The following RSF1 variants were observed in gnomAD, a reference collection of about 807,000 sequenced individuals.
The protein encoded by RSF1 is HBV pX-associated protein 8.
Under a neutral mutation model 145.2 loss-of-function variants are expected in RSF1, and 13 were observed. That is an observed-to-expected ratio of 0.09 (90% CI 0.06 to 0.14). RSF1 has a LOEUF of 0.14. Ranked by LOEUF, RSF1 falls within the 10% of genes least tolerant of loss-of-function variation. The pLI, the probability that RSF1 is intolerant of heterozygous loss-of-function variation, is 1.00. For missense variants in RSF1, 1,517 were observed against 1,718.2 expected, an observed-to-expected ratio of 0.88 and a Z score of 2.07; for synonymous variants, 577 against 592.6, an observed-to-expected ratio of 0.97 and a Z score of 0.38.
chr11:77,820,472 G>C, intron 1 of RSF1, 56 bp downstream of exon 1: 1 of 1,509,856 alleles, frequency 6.6e-7, no homozygotes, highest in Non-Finnish European at 8.9e-7. Flanking sequence ...GTGAAGAGCG[G>C]AGAGTAGCAG....
chr11:77,820,877 C>A (rs1204716981), upstream of RSF1: 6 of 717,974 alleles, frequency 8.4e-6, no homozygotes, highest in Non-Finnish European at 1.3e-5. Flanking sequence ...AATACATCGG[C>A]GGCCCGGAGC....
Position 77,663,105 on chromosome 11 carries a change from TA to T in RSF1, c.*3811del, listed in dbSNP as rs1415084385. ...TATAGCTGTGAGGCATCACCTTGAA[TA>T]ACGGGCCTGTTCCACTGTACTGGTA... On this transcript the variant is annotated 3_prime_UTR_variant, in exon 16 of 16. Coordinates refer to ENST00000308488, the MANE Select transcript of RSF1 (RefSeq NM_016578.4). 2 of 152,236 alleles carry T rather than the reference TA, an allele frequency of 1.3e-5. No homozygotes were observed. Among genetic ancestry groups the T allele is most frequent in the Non-Finnish European group, 2.9e-5 (2 of 68,036 alleles). The allele number at this position is 152,236 out of a possible 1,614,324, so 9.4% of individuals were successfully genotyped here.
At chr11:77,670,987 A>G in intron 15 of RSF1, among the ~76,000 whole-genome samples, 1 of 149,000 alleles carries the variant, frequency 6.7e-6, no homozygotes, top group African/African-American at 2.5e-5. Context: ...CATGCCTAAA[A>G]TCCTAGCTAT....
At chr11:77,837,292 C>A in the RSF1 span, among the ~76,000 whole-genome samples, 2 of 152,024 alleles carry the variant, frequency 1.3e-5, no homozygotes, top group Admixed American at 6.6e-5. Context: ...CCCGCCACCA[C>A]ACCCAGCTAA....
intron 15 of RSF1, among the ~76,000 whole-genome samples, chr11:77,667,914 A>G (rs1959413825): frequency 6.6e-6 from 1 of 152,088 alleles, no homozygotes; most frequent in African/African-American, 2.4e-5. Flanking sequence ...TATGTTGGCC[A>G]AGCTGGTCTC....
rs558929379 is a variant in RSF1 at position 77,675,384 on chromosome 11, G to T, written c.3342-128C>A. On this transcript the variant is annotated intron_variant, in intron 13 of 15. Transcript: ENST00000308488. ...TATAGTGCAACATATCTGGATAATTGTATCAAATGCCCTATTTATAAAATG... is the reference window on the plus strand; with the variant it reads ...TATAGTGCAACATATCTGGATAATTTTATCAAATGCCCTATTTATAAAATG... 11 of 664,826 alleles carry T rather than the reference G, an allele frequency of 1.7e-5. No individual in the cohort carries two copies. The East Asian group carries it at 2.8e-4, about 17-fold the overall frequency. 41.2% of individuals were successfully genotyped at this position (664,826 alleles called of 1,614,324 possible).
chr11:77,768,830 T>C (rs1170748790), intron 1 of RSF1, among the ~76,000 whole-genome samples: 4 of 152,196 alleles, frequency 2.6e-5, no homozygotes, highest in Admixed American at 2.6e-4. Flanking sequence ...CTTTTTATTC[T>C]TTAAAACGGC....
intron 13 of RSF1, among the ~76,000 whole-genome samples, chr11:77,676,201 A>G (rs1233222518): frequency 6.6e-6 from 1 of 151,520 alleles, no homozygotes; most frequent in Non-Finnish European, 1.5e-5. Flanking sequence ...TTTAAGGTTT[A>G]CTCTTTGGAT....
intron 15 of RSF1, among the ~76,000 whole-genome samples, chr11:77,671,136 A>AATATAT (rs1959523526): frequency 3.1e-5 from 1 of 32,216 alleles, no homozygotes; most frequent in Non-Finnish European, 4.9e-5. Flanking sequence ...AAAAAAAAAA[A>AATATAT]AAATATATAT....
intron 4 of RSF1, among the ~76,000 whole-genome samples, chr11:77,737,857 C>T (rs192188956): frequency 3.3e-5 from 5 of 152,204 alleles, no homozygotes; most frequent in East Asian, 3.9e-4. Flanking sequence ...TGGCCAGGCA[C>T]GGTGGCTCAC....
upstream of RSF1, among the ~76,000 whole-genome samples, chr11:77,822,636 A>T (rs1337912371): frequency 3.3e-5 from 5 of 152,178 alleles, no homozygotes; most frequent in Non-Finnish European, 7.3e-5. Context: ...CTAAAGAAAG[A>T]ATACTCAATT....
chr11:77,855,974 CTG>C, the RSF1 span, among the ~76,000 whole-genome samples: 2 of 152,058 alleles, frequency 1.3e-5, no homozygotes, highest in Non-Finnish European at 2.9e-5. Context: ...ACAAATTTCA[CTG>C]TGTGTGGTGG....
At chr11:77,847,213 T>C in the RSF1 span, among the ~76,000 whole-genome samples, 1 of 152,208 alleles carries the variant, frequency 6.6e-6, no homozygotes, top group South Asian at 2.1e-4. Flanking sequence ...TCAATATCAG[T>C]TCACCATTTT....
intron 5 of RSF1, among the ~76,000 whole-genome samples, chr11:77,716,130 T>C (rs1428318717): frequency 6.8e-6 from 1 of 146,710 alleles, no homozygotes; most frequent in Non-Finnish European, 1.5e-5. Flanking sequence ...TAGGCAAAAA[T>C]GAGGAAAAAA....
intron 3 of RSF1, among the ~76,000 whole-genome samples, chr11:77,746,755 T>A (rs1263784866): frequency 2.0e-5 from 3 of 152,182 alleles, no homozygotes; most frequent in African/African-American, 7.2e-5. Flanking sequence ...TTACAGTATA[T>A]AGTAATGATT....
chr11:77,676,938 A>T lies in RSF1; in HGVS notation c.3195T>A (p.Thr1065=). ...TTTCTTTTCTTTCTTCATCCAAAAT[A>T]GTAGAGATGTCTTTCCCACGATGAC... The part of the protein sequence containing the change: ...ITGHRGKDIS[T]ILDEERKENK... The change falls in exon 13 of 16, where the codon ACT becomes ACA. Residue 1065 remains threonine (T), a synonymous_variant. Coordinates refer to ENST00000308488, the MANE Select transcript of RSF1 (RefSeq NM_016578.4). 2 of 1,614,190 alleles carry T rather than the reference A, an allele frequency of 1.2e-6. No homozygotes were observed. Among genetic ancestry groups the T allele is most frequent in the Non-Finnish European group, 1.7e-6 (2 of 1,180,032 alleles).
At chr11:77,851,812 C>T in the RSF1 span, among the ~76,000 whole-genome samples, 1 of 152,136 alleles carries the variant, frequency 6.6e-6, no homozygotes, top group Non-Finnish European at 1.5e-5. Context: ...GCCTGCAGAA[C>T]TGTGAAGCAA....
rs187210191 is a variant in RSF1, at chr11:77,715,400, T to C, written c.733+10145A>G. Among the ~76,000 whole-genome samples the C allele has an allele frequency of 5.0e-3, 758 of 152,320 alleles. 9 individuals carry two copies. The highest frequency in any genetic ancestry group is 0.017 in the African/African-American group (713 of 41,576). On this transcript the variant is annotated intron_variant, in intron 5 of 15. Transcript: ENST00000308488. ...CATAATGTTGTAACAATAACATCTG[T>C]ATTTATTAGTCTCCCTATACTTGTT...
chr11:77,701,783 C>T lies in RSF1; in HGVS notation c.1446G>A (p.Thr482=), dbSNP rs776519232. The change falls in exon 6 of 16, where the codon ACG becomes ACA. Residue 482 remains threonine, a synonymous_variant. Coordinates refer to ENST00000308488, the MANE Select transcript of RSF1 (RefSeq NM_016578.4). ...YSPSKDRNII[T]EGNGTESLNS... ...TTAAGGACTCTGTTCCATTTCCCTCCGTGATGATATTTCTGTCCTTAGAGG... is the reference window on the plus strand; with the variant it reads ...TTAAGGACTCTGTTCCATTTCCCTCTGTGATGATATTTCTGTCCTTAGAGG... The T allele has an allele frequency of 7.4e-6, 12 of 1,613,780 alleles. No individual in the cohort carries two copies. Among genetic ancestry groups the T allele is most frequent in the African/African-American group, 2.7e-5 (2 of 74,924 alleles).
Sources: gnomAD v4.1 joint callset for allele counts (sites outside exome capture counted in the v4.1 genomes callset) on GRCh38, gnomAD v4.1.1 for gene constraint, MANE v1.5 for transcripts, NCBI Gene and HGNC (gene_info 2026-07-23, HGNC 2026-07-21) for gene names.